The following PRKN variants were observed in gnomAD, a reference collection of about 807,000 sequenced individuals.
The protein encoded by PRKN is parkin RBR E3 ubiquitin protein ligase.
In PRKN, 56 loss-of-function variants were observed where a neutral mutation model predicts 59.5. The ratio of observed to expected loss-of-function variants is 0.94; its 90% confidence interval spans 0.76 to 1.18. PRKN has a LOEUF of 1.18. Among genes scored for constraint, PRKN ranks in the 50% most tolerant of loss-of-function variants. PRKN has a pLI of 0.00. For missense variants in PRKN, 657 were observed against 596.4 expected, an observed-to-expected ratio of 1.10 and a Z score of -1.06; for synonymous variants, 250 against 222.1, an observed-to-expected ratio of 1.13 and a Z score of -1.12.
In PRKN at chr6:161,442,067, G is replaced by A. The variant is rs1217171150; in HGVS notation, c.1084-55190C>T. 1.3e-5 allele frequency among the ~76,000 whole-genome samples: 2 copies of A among 152,210 alleles called. No homozygotes were observed. Among genetic ancestry groups the A allele is most frequent in the African/African-American group, 4.8e-5 (2 of 41,458 alleles). On this transcript the variant is annotated intron_variant, in intron 9 of 11. Coordinates refer to ENST00000366898, the MANE Select transcript of PRKN (RefSeq NM_004562.3). The surrounding 1 kb of genome is among the most constrained non-coding windows in gnomAD (Gnocchi z 4.6). ...ATGAAATACTGTTCAGTGGGCTAAT[G>A]CAGCCACACGAGTGAGTTTTATTTT...
chr6:161,499,526 T>C lies in PRKN; in HGVS notation c.1083+49328A>G, dbSNP rs114068766. Among the ~76,000 whole-genome samples, 471 of 152,336 alleles carry C rather than the reference T, an allele frequency of 3.1e-3. 3 individuals are homozygous for C. The highest frequency in any genetic ancestry group is 0.01 in the African/African-American group (432 of 41,590). On this transcript the variant is annotated intron_variant, in intron 9 of 11. Transcript: ENST00000366898. The surrounding 1 kb of genome is among the most constrained non-coding windows in gnomAD (Gnocchi z 4.2). The stretch of plus-strand genomic sequence containing the variant: ...TTGGCTTTGGAATGTGGGACCTCTC[T>C]TCTAGCCTCTTGCATCTACCTCTAT...
intron 3 of PRKN, among the ~76,000 whole-genome samples, chr6:162,246,096 C>T (rs1679882162): frequency 1.3e-5 from 2 of 152,096 alleles, no homozygotes; most frequent in African/African-American, 2.4e-5. Context: ...AAGCTGTTGC[C>T]TCCGTTGTGT....
intron 7 of PRKN, among the ~76,000 whole-genome samples, chr6:161,677,698 T>TA (rs1289567127): frequency 2.0e-5 from 3 of 152,158 alleles, no homozygotes; most frequent in South Asian, 2.1e-4. Flanking sequence ...GTTGAAATTT[T>TA]AAAAAATTTC....
chr6:162,536,532 G>A (rs775248421), intron 1 of PRKN, among the ~76,000 whole-genome samples: 2 of 151,972 alleles, frequency 1.3e-5, no homozygotes, highest in Non-Finnish European at 2.9e-5. Flanking sequence ...CATCTCCTTC[G>A]AGCCATCTTC....
chr6:162,309,287 C>A (rs1443517197), intron 2 of PRKN, among the ~76,000 whole-genome samples: 1 of 152,142 alleles, frequency 6.6e-6, no homozygotes, highest in Non-Finnish European at 1.5e-5. Context: ...GCCTCAGCCT[C>A]CCGAGTAGCT....
At chr6:162,550,236 C>T (rs931189479) in intron 1 of PRKN, among the ~76,000 whole-genome samples, 1 of 152,068 alleles carries the variant, frequency 6.6e-6, no homozygotes, top group African/African-American at 2.4e-5. Flanking sequence ...TTAGGTGGAA[C>T]GAAGCCTGTC....
At chr6:161,669,797 A>G (rs1270120899) in intron 7 of PRKN, among the ~76,000 whole-genome samples, 1 of 152,198 alleles carries the variant, frequency 6.6e-6, no homozygotes, top group Non-Finnish European at 1.5e-5. Context: ...CTATTAACTC[A>G]TATCATCTGG....
At chr6:162,397,402 AC>A (rs1282336639) in intron 2 of PRKN, among the ~76,000 whole-genome samples, 1 of 152,058 alleles carries the variant, frequency 6.6e-6, no homozygotes, top group Admixed American at 6.6e-5. Flanking sequence ...TTTTTTTCTT[AC>A]GCCAGTCTGG....
At chr6:162,116,035 T>C (rs931158234) in intron 4 of PRKN, among the ~76,000 whole-genome samples, 2 of 152,198 alleles carry the variant, frequency 1.3e-5, no homozygotes, top group Non-Finnish European at 2.9e-5. Context: ...AAGATATAGA[T>C]AGGAATTCAG....
At chr6:162,277,555 T>TA (rs142591096) in intron 2 of PRKN, among the ~76,000 whole-genome samples, 1 of 151,984 alleles carries the variant, frequency 6.6e-6, no homozygotes, top group Non-Finnish European at 1.5e-5. Context: ...CAGAATAATT[T>TA]AAAAAAATTA....
At chr6:162,601,319 T>A (rs1231631057) in intron 1 of PRKN, among the ~76,000 whole-genome samples, 1 of 109,078 alleles carries the variant, frequency 9.2e-6, no homozygotes, top group Non-Finnish European at 2.2e-5. Context: ...AAACATGAAC[T>A]TTTGGGGGAC....
intron 9 of PRKN, among the ~76,000 whole-genome samples, chr6:161,481,650 A>C (rs1268396784): frequency 6.6e-6 from 1 of 152,124 alleles, no homozygotes; most frequent in Non-Finnish European, 1.5e-5. Flanking sequence ...AAAACAAACA[A>C]GGAAAAAAAG....
At chr6:161,971,446 T>C (rs568082678) in intron 6 of PRKN, among the ~76,000 whole-genome samples, 112 of 152,346 alleles carry the variant, frequency 7.4e-4, no homozygotes, top group African/African-American at 2.5e-3. Flanking sequence ...TGACTTAAAT[T>C]ACCTGCTGCT....
intron 2 of PRKN, among the ~76,000 whole-genome samples, chr6:162,331,229 C>T (rs957323984): frequency 1.1e-4 from 17 of 151,922 alleles, no homozygotes; most frequent in Admixed American, 3.9e-4. Flanking sequence ...ATCTGTGCCC[C>T]GCCATAATTC....
chr6:162,225,662 T>C (rs1243284755), intron 3 of PRKN, among the ~76,000 whole-genome samples: 1 of 152,138 alleles, frequency 6.6e-6, no homozygotes, highest in Admixed American at 6.6e-5. Flanking sequence ...CCAACTCCAA[T>C]GCTGTACACA....
chr6:161,548,504 C>G lies in PRKN; in HGVS notation c.1083+350G>C, dbSNP rs1051137783. Among the ~76,000 whole-genome samples, 2 of 152,298 alleles carry G rather than the reference C, an allele frequency of 1.3e-5. No homozygotes were observed. Among genetic ancestry groups the G allele is most frequent in the South Asian group, 2.1e-4 (1 of 4,828 alleles). On this transcript the variant is annotated intron_variant, in intron 9 of 11. Coordinates refer to ENST00000366898, the MANE Select transcript of PRKN (RefSeq NM_004562.3). This position sits in a 1 kb window ranked among gnomAD's most constrained non-coding sequence, Gnocchi z 4.2. ...AGAATTCTTTCTCCTTCACTCCTGT[C>G]TACTTAAAGGCAACTCTGAAGAAAG...
At chr6:162,671,421 C>T (rs1394285224) in intron 1 of PRKN, among the ~76,000 whole-genome samples, 1 of 151,374 alleles carries the variant, frequency 6.6e-6, no homozygotes. Context: ...ATGGCTTGAA[C>T]CCGGAAGGCG....
At chr6:161,813,933 T>C (rs1791662592) in intron 6 of PRKN, among the ~76,000 whole-genome samples, 1 of 152,216 alleles carries the variant, frequency 6.6e-6, no homozygotes, top group African/African-American at 2.4e-5. Flanking sequence ...CTAGAATTAT[T>C]TGGATTGATT....
intron 6 of PRKN, among the ~76,000 whole-genome samples, chr6:161,905,878 T>C (rs1463520895): frequency 1.3e-5 from 2 of 148,414 alleles, no homozygotes; most frequent in Admixed American, 6.8e-5. Flanking sequence ...GAGAATCACT[T>C]GAACCCGAGA....
Sources: allele counts gnomAD v4.1 joint callset (sites outside exome capture counted in the v4.1 genomes callset), GRCh38; gene constraint gnomAD v4.1.1; non-coding constraint Gnocchi (gnomAD v3.1); transcripts MANE v1.5; gene names NCBI Gene and HGNC (gene_info 2026-07-23, HGNC 2026-07-21).